TEKT5: variants seen among roughly 807,000 people sequenced by gnomAD.
TEKT5 encodes tektin-5.
In TEKT5, 52 loss-of-function variants were observed where a neutral mutation model predicts 48.7. The ratio of observed to expected loss-of-function variants is 1.07; its 90% CI spans 0.86 to 1.35. TEKT5 has a LOEUF of 1.35. Ranked by LOEUF, TEKT5 falls within the 40% of genes most tolerant of loss-of-function variation. TEKT5 has a pLI of 0.00. For synonymous variants in TEKT5, 318 were observed against 267.6 expected (o/e 1.19, Z -1.84); for missense variants, 831 against 641.6 (o/e 1.30, Z -3.19).
At chr16:10,657,601 T>C (rs975723426) in intron 5 of TEKT5, among the ~76,000 whole-genome samples, 10 of 151,826 alleles carry the variant, frequency 6.6e-5, no homozygotes, top group African/African-American at 2.2e-4. Flanking sequence ...TTTTTTTTTT[T>C]TTCCCTGAGA....
intron 6 of TEKT5, among the ~76,000 whole-genome samples, chr16:10,631,038 T>A (rs1427319093): frequency 6.7e-6 from 1 of 149,328 alleles, no homozygotes; most frequent in African/African-American, 2.5e-5. Context: ...TGAAACGCAG[T>A]CCCTACTAAA....
At chr16:10,652,639 C>T (rs1898180981) in intron 5 of TEKT5, among the ~76,000 whole-genome samples, 1 of 92,462 alleles carries the variant, frequency 1.1e-5, no homozygotes, top group Non-Finnish European at 2.0e-5. Flanking sequence ...CACACACACA[C>T]ACCCTCCAGG....
intron 5 of TEKT5, among the ~76,000 whole-genome samples, chr16:10,663,753 A>G (rs1169921591): frequency 6.6e-6 from 1 of 152,212 alleles, no homozygotes. Context: ...AGATGTTAGT[A>G]GCATTCTCCA....
rs148648900 is a variant in TEKT5 at position 10,628,788 on chromosome 16, C to A, written c.1242-989G>T. Among the ~76,000 whole-genome samples, 67 of 151,912 alleles carry A rather than the reference C, an allele frequency of 4.4e-4. No homozygotes were observed. In the East Asian group the frequency reaches 0.011, roughly 26 times the overall value. ...AGGCATGATGGTGGGTGCCTGTAAT[C>A]CCAGCTACTCGAGAGGCTGAGGTGG... On this transcript the variant is annotated intron_variant, in intron 6 of 6. Coordinates refer to ENST00000283025, the MANE Select transcript of TEKT5 (RefSeq NM_144674.2).
intron 4 of TEKT5, among the ~76,000 whole-genome samples, chr16:10,679,665 C>T (rs568294420): frequency 4.6e-5 from 7 of 152,148 alleles, no homozygotes; most frequent in Admixed American, 3.3e-4. Context: ...GAGGCCGAGG[C>T]GGGCAGATCA....
chr16:10,648,121 A>C (rs1368989177), intron 5 of TEKT5, among the ~76,000 whole-genome samples: 1 of 152,144 alleles, frequency 6.6e-6, no homozygotes, highest in Non-Finnish European at 1.5e-5. Flanking sequence ...ACAGGGCCAC[A>C]AAAAAAGGCA....
At chr16:10,666,978 CTTTTTTTTTTT>C (rs201657619) in intron 5 of TEKT5, among the ~76,000 whole-genome samples, 5 of 124,668 alleles carry the variant, frequency 4.0e-5, no homozygotes, top group African/African-American at 5.9e-5. Flanking sequence ...TGGCTCCTTA[CTTTTTTTTTTT>C]TTTTTTTTTT....
intron 5 of TEKT5, among the ~76,000 whole-genome samples, chr16:10,668,358 C>T (rs113480646): frequency 6.6e-6 from 1 of 152,158 alleles, no homozygotes; most frequent in Non-Finnish European, 1.5e-5. Flanking sequence ...GACTTTCTCC[C>T]TGGGATGCAG....
At chr16:10,683,080 T>C (rs751488722) in intron 3 of TEKT5, among the ~76,000 whole-genome samples, 5 of 152,180 alleles carry the variant, frequency 3.3e-5, no homozygotes, top group Non-Finnish European at 5.9e-5. Context: ...TTTGAAAATA[T>C]GAAACAACAC....
rs375154843 is a variant in TEKT5 at position 10,689,916 on chromosome 16, C to T, written c.648+26G>A. On this transcript the variant is annotated intron_variant, in intron 2 of 6. Transcript: ENST00000283025. ...TGGCCTTCCCGCCTCCTTCAGGGGG[C>T]TGGGCAGAACCAGGAGATGCCTTAC... The T allele has an allele frequency of 3.7e-6, 6 of 1,612,728 alleles. No homozygotes were observed. The African/African-American group carries it at 4.0e-5, about 11-fold the overall frequency.
chr16:10,673,970 C>T (rs1213188585), intron 5 of TEKT5, among the ~76,000 whole-genome samples: 4 of 152,044 alleles, frequency 2.6e-5, no homozygotes, highest in Admixed American at 6.6e-5. Context: ...CATTCTTAAC[C>T]TCTGCGTCCC....
intron 5 of TEKT5, 105 bp downstream of exon 5, chr16:10,675,854 T>C (rs1898634912): frequency 8.7e-6 from 10 of 1,150,344 alleles, no homozygotes; most frequent in Non-Finnish European, 1.3e-6. Context: ...GGGTACTGCT[T>C]TGGCACCAGG....
chr16:10,634,422 C>T (rs775372763), intron 6 of TEKT5, among the ~76,000 whole-genome samples: 2 of 152,162 alleles, frequency 1.3e-5, no homozygotes, highest in African/African-American at 2.4e-5. Flanking sequence ...CCGGTGAGCA[C>T]AGCCCTGGGC....
At chr16:10,672,857 TG>T (rs368804355) in intron 5 of TEKT5, among the ~76,000 whole-genome samples, 4 of 151,132 alleles carry the variant, frequency 2.6e-5, no homozygotes, top group African/African-American at 7.3e-5. Context: ...TGTTTTTTTT[TG>T]TTTTTTTTTT....
chr16:10,682,168 T>C (rs1335899713), intron 3 of TEKT5, 32 bp from the exon 4 acceptor site: 2 of 1,607,238 alleles, frequency 1.2e-6, no homozygotes, highest in East Asian at 2.2e-5. Context: ...TCCTGGACTA[T>C]GCACCTGCAC....
intron 4 of TEKT5, among the ~76,000 whole-genome samples, chr16:10,681,526 T>G (rs1418825964): frequency 6.6e-6 from 1 of 151,590 alleles, no homozygotes; most frequent in African/African-American, 2.4e-5. Context: ...AAGAATTCAC[T>G]CTGTTAAACC....
intron 5 of TEKT5, among the ~76,000 whole-genome samples, chr16:10,661,650 T>G (rs1473994082): frequency 2.6e-5 from 4 of 151,952 alleles, no homozygotes; most frequent in Non-Finnish European, 5.9e-5. Context: ...AAAGATGAAG[T>G]AGGAAGGACT....
At chr16:10,684,544 C>T (rs553441337) in intron 3 of TEKT5, among the ~76,000 whole-genome samples, 6 of 152,218 alleles carry the variant, frequency 3.9e-5, no homozygotes, top group African/African-American at 1.2e-4. Context: ...ACCCCAGTCC[C>T]GGGGCCCTTG....
chr16:10,669,525 T>C (rs1898519600), intron 5 of TEKT5, among the ~76,000 whole-genome samples: 1 of 152,198 alleles, frequency 6.6e-6, no homozygotes, highest in Non-Finnish European at 1.5e-5. Flanking sequence ...TCTAGCACTT[T>C]TGAGATGGTC....
Sources: gnomAD v4.1 joint callset for allele counts (sites outside exome capture counted in the v4.1 genomes callset) on GRCh38, gnomAD v4.1.1 for gene constraint, MANE v1.5 for transcripts, NCBI Gene and HGNC (gene_info 2026-07-23, HGNC 2026-07-21) for gene names.